The following NRXN1 variants were observed in gnomAD, a reference collection of about 807,000 sequenced individuals.
The protein encoded by NRXN1 is neurexin-1.
A neutral mutation model predicts 150.9 loss-of-function variants in NRXN1; 39 were observed. The ratio of observed to expected loss-of-function variants is 0.26; its 90% CI spans 0.20 to 0.34. The LOEUF is 0.34. Ranked by LOEUF, NRXN1 falls within the 10% of genes least tolerant of loss-of-function variation. The probability of loss-of-function intolerance (pLI) is 1.00; values close to 1 mark genes in which losing one functional copy is unlikely to be tolerated. For missense variants in NRXN1, 1,815 were observed against 1,949.9 expected, an observed-to-expected ratio of 0.93 and a Z score of 1.30; for synonymous variants, 924 against 757.0, an observed-to-expected ratio of 1.22 and a Z score of -3.62.
intron 17 of NRXN1, among the ~76,000 whole-genome samples, chr2:50,309,591 G>C (rs2074988664): frequency 6.6e-6 from 1 of 152,120 alleles, no homozygotes; most frequent in Non-Finnish European, 1.5e-5. Flanking sequence ...TTCTATGGCA[G>C]TCCCCATGAT....
At chr2:50,338,336 C>G (rs755737556) in intron 17 of NRXN1, among the ~76,000 whole-genome samples, 5 of 152,034 alleles carry the variant, frequency 3.3e-5, no homozygotes, top group Non-Finnish European at 7.4e-5. Context: ...ATCAATTTTT[C>G]TACTATGTAG....
chr2:50,870,445 G>T (rs1417918876), intron 5 of NRXN1, among the ~76,000 whole-genome samples: 1 of 151,878 alleles, frequency 6.6e-6, no homozygotes, highest in Non-Finnish European at 1.5e-5. Flanking sequence ...CTAAAGGCAT[G>T]CACCAACACA....
At chr2:50,646,729 T>C (rs1199311552) in intron 5 of NRXN1, among the ~76,000 whole-genome samples, 6 of 138,620 alleles carry the variant, frequency 4.3e-5, no homozygotes, top group South Asian at 2.3e-4. Flanking sequence ...TTTTTTTTTT[T>C]CTCTCTGAGC....
chr2:50,243,067 G>A (rs770732453), intron 17 of NRXN1, among the ~76,000 whole-genome samples: 1 of 151,708 alleles, frequency 6.6e-6, no homozygotes, highest in Non-Finnish European at 1.5e-5. Context: ...ACAAAGTTAC[G>A]GTTAGATAGG....
intron 21 of NRXN1, among the ~76,000 whole-genome samples, chr2:49,959,549 C>G (rs1382320031): frequency 6.6e-6 from 1 of 152,208 alleles, no homozygotes; most frequent in Non-Finnish European, 1.5e-5. Flanking sequence ...TTCCAGTGAT[C>G]TGCTGCATGG....
At chr2:50,040,296 C>A (rs1173852546) in intron 21 of NRXN1, among the ~76,000 whole-genome samples, 3 of 151,328 alleles carry the variant, frequency 2.0e-5, no homozygotes, top group African/African-American at 7.3e-5. Flanking sequence ...TTAGATGCAA[C>A]TATATTACTT....
At chr2:50,637,505 A>G (rs1343779640) in intron 5 of NRXN1, 3 of 152,254 alleles carry the variant, frequency 2.0e-5, no homozygotes, top group African/African-American at 7.2e-5. Context: ...ATTTATGAGA[A>G]AGACTTGAGG....
intron 17 of NRXN1, among the ~76,000 whole-genome samples, chr2:50,294,182 G>C (rs528107936): frequency 1.5e-4 from 23 of 152,232 alleles, no homozygotes; most frequent in African/African-American, 5.3e-4. Context: ...AATTTATGGA[G>C]TAAAATAAAG....
At chr2:50,203,302 G>A (rs774027221) in intron 18 of NRXN1, among the ~76,000 whole-genome samples, 1 of 152,184 alleles carries the variant, frequency 6.6e-6, no homozygotes, top group Admixed American at 6.5e-5. Context: ...ACAACCTAGT[G>A]TAGGAAACAA....
intron 5 of NRXN1, among the ~76,000 whole-genome samples, chr2:50,761,156 C>A (rs1037593298): frequency 1.3e-5 from 2 of 151,486 alleles, no homozygotes; most frequent in African/African-American, 4.8e-5. Flanking sequence ...CTTTCTAGCC[C>A]CTTTTTGGGT....
At chr2:50,273,961 A>T (rs1056995240) in intron 17 of NRXN1, among the ~76,000 whole-genome samples, 8 of 152,164 alleles carry the variant, frequency 5.3e-5, no homozygotes, top group African/African-American at 1.9e-4. Flanking sequence ...TGTGGAAGAC[A>T]GTGTGGCTAT....
At chr2:50,044,176 G>T (rs1357898120) in intron 21 of NRXN1, among the ~76,000 whole-genome samples, 1 of 152,164 alleles carries the variant, frequency 6.6e-6, no homozygotes, top group African/African-American at 2.4e-5. Context: ...TTTACTCCAT[G>T]TCGCAGTTAA....
intron 5 of NRXN1, among the ~76,000 whole-genome samples, chr2:50,901,321 G>A (rs533316129): frequency 1.3e-3 from 205 of 152,128 alleles, no homozygotes; most frequent in African/African-American, 4.8e-3. Context: ...GGATCACAAG[G>A]TCAGGAGATC....
intron 2 of NRXN1, among the ~76,000 whole-genome samples, chr2:50,986,229 T>C (rs536101884): frequency 2.0e-5 from 3 of 151,828 alleles, no homozygotes; most frequent in South Asian, 2.1e-4. Flanking sequence ...AACAGAAGCT[T>C]TATATACTGG....
chr2:50,400,442 A>G (rs1014977879), intron 17 of NRXN1, among the ~76,000 whole-genome samples: 2 of 152,134 alleles, frequency 1.3e-5, no homozygotes, highest in East Asian at 3.9e-4. Flanking sequence ...TAAACATAAT[A>G]AAGTGGGAAC....
At chr2:50,319,122 G>T (rs1286610438) in intron 17 of NRXN1, among the ~76,000 whole-genome samples, 3 of 151,968 alleles carry the variant, frequency 2.0e-5, no homozygotes, top group South Asian at 2.1e-4. Context: ...TTAAATGGGG[G>T]TTCTTTTCTG....
At chr2:50,450,557 G>T (rs954750153) in intron 17 of NRXN1, among the ~76,000 whole-genome samples, 7 of 151,966 alleles carry the variant, frequency 4.6e-5, no homozygotes, top group South Asian at 2.1e-4. Context: ...ATTATGTTTT[G>T]CACATAGTAA....
intron 7 of NRXN1, 85 bp downstream of exon 7, chr2:50,621,141 G>A (rs1679940352): frequency 7.9e-7 from 1 of 1,258,518 alleles, no homozygotes; most frequent in Non-Finnish European, 1.1e-6. Context: ...GATGTCTACA[G>A]TTAAAAGAAA....
intron 17 of NRXN1, among the ~76,000 whole-genome samples, chr2:50,268,586 C>A (rs2069170753): frequency 6.6e-6 from 1 of 152,128 alleles, no homozygotes; most frequent in Non-Finnish European, 1.5e-5. Context: ...GGTTCATTAG[C>A]CTGGGTTCCA....
Sources: allele counts gnomAD v4.1 joint callset (sites outside exome capture counted in the v4.1 genomes callset), GRCh38; gene constraint gnomAD v4.1.1; transcripts MANE v1.5; gene names NCBI Gene and HGNC (gene_info 2026-07-23, HGNC 2026-07-21).